EPHA6: variants seen among roughly 807,000 people sequenced by gnomAD.
EPHA6 encodes the protein ephrin type-A receptor 6.
In EPHA6, 50 loss-of-function variants were observed where a neutral mutation model predicts 112.0. That is an observed-to-expected ratio of 0.45 (90% CI 0.36 to 0.56). The LOEUF is 0.56. EPHA6 is among the 20% of genes least tolerant of loss of function. The pLI, the probability that EPHA6 is intolerant of heterozygous loss-of-function variation, is 0.00. For missense variants in EPHA6, 1,280 were observed against 1,417.4 expected, an observed-to-expected ratio of 0.90 and a Z score of 1.56; for synonymous variants, 529 against 490.7, an observed-to-expected ratio of 1.08 and a Z score of -1.03.
At chr3:97,061,136 C>T (rs953019765) in intron 3 of EPHA6, among the ~76,000 whole-genome samples, 1 of 151,842 alleles carries the variant, frequency 6.6e-6, no homozygotes, top group Non-Finnish European at 1.5e-5. Flanking sequence ...TCTTATAGGA[C>T]CCAAACACCA....
At chr3:97,234,599 AC>A (rs2078627647) in intron 4 of EPHA6, among the ~76,000 whole-genome samples, 1 of 152,004 alleles carries the variant, frequency 6.6e-6, no homozygotes, top group African/African-American at 2.4e-5. Context: ...TTTTCTTGCA[AC>A]TTCCTGTTCC....
intron 14 of EPHA6, among the ~76,000 whole-genome samples, chr3:97,689,271 G>C (rs535172112): frequency 6.6e-6 from 1 of 152,290 alleles, no homozygotes; most frequent in African/African-American, 2.4e-5. Context: ...CATCTGTGAT[G>C]TTCAGCTCAT....
At chr3:96,884,971 A>G (rs868439328) in intron 2 of EPHA6, among the ~76,000 whole-genome samples, 2 of 152,314 alleles carry the variant, frequency 1.3e-5, no homozygotes, top group Middle Eastern at 3.4e-3. Flanking sequence ...GTCTGCATCT[A>G]TTGAAATGAT....
At chr3:96,907,650 G>A (rs1412585373) in intron 2 of EPHA6, among the ~76,000 whole-genome samples, 1 of 151,726 alleles carries the variant, frequency 6.6e-6, no homozygotes, top group Non-Finnish European at 1.5e-5. Flanking sequence ...TGTATTTCAT[G>A]TTTTTAAGTC....
intron 5 of EPHA6, among the ~76,000 whole-genome samples, chr3:97,399,543 A>C (rs952828374): frequency 4.6e-5 from 7 of 151,634 alleles, no homozygotes; most frequent in Non-Finnish European, 1.0e-4. Flanking sequence ...ACTAATTTAC[A>C]TTCCCACTGG....
At chr3:97,624,510 TG>T (rs1298064178) in intron 13 of EPHA6, among the ~76,000 whole-genome samples, 2 of 151,540 alleles carry the variant, frequency 1.3e-5, no homozygotes, top group Non-Finnish European at 3.0e-5. Flanking sequence ...TATAGTAATG[TG>T]GGGGTTTTTT....
chr3:97,201,174 G>T (rs1032849247), intron 3 of EPHA6, among the ~76,000 whole-genome samples: 1 of 152,052 alleles, frequency 6.6e-6, no homozygotes, highest in Non-Finnish European at 1.5e-5. Context: ...ATATGTTACA[G>T]AATTCAGTAA....
intron 14 of EPHA6, among the ~76,000 whole-genome samples, chr3:97,641,273 A>G (rs9831952): frequency 0.017 from 2,638 of 152,336 alleles, 56 homozygotes; most frequent in African/African-American, 0.059. Context: ...ATTTTAGAGC[A>G]TTCTATGAAT....
At chr3:97,480,135 C>T (rs958056448) in intron 9 of EPHA6, among the ~76,000 whole-genome samples, 2 of 152,102 alleles carry the variant, frequency 1.3e-5, no homozygotes, top group Non-Finnish European at 2.9e-5. Context: ...TACCACCCTC[C>T]AGGAAAGGGA....
chr3:97,422,021 A>G (rs573381326), intron 6 of EPHA6, among the ~76,000 whole-genome samples: 1 of 152,204 alleles, frequency 6.6e-6, no homozygotes, highest in East Asian at 1.9e-4. Flanking sequence ...TGGAAGGAAA[A>G]TAGAGAACAA....
intron 11 of EPHA6, among the ~76,000 whole-genome samples, chr3:97,591,630 G>A (rs2093545505): frequency 6.6e-6 from 1 of 152,028 alleles, no homozygotes; most frequent in Non-Finnish European, 1.5e-5. Context: ...TACCAGTGAT[G>A]CCCATTCACT....
Position 97,017,483 on chromosome 3 carries a change from G to A in EPHA6, c.1114+29490G>A, listed in dbSNP as rs928943863. On this transcript the variant is annotated intron_variant, in intron 3 of 17. Transcript: ENST00000389672. ...AATTGAGTTCTGGCAAGTCTCACCC[G>A]CACATGCTAAAGTGCTTGGGGGCCC... 1.7e-4 allele frequency among the ~76,000 whole-genome samples: 26 copies of A among 152,262 alleles called. 1 individual carries two copies. Among genetic ancestry groups the A allele is most frequent in the Admixed American group, 1.3e-3 (20 of 15,284 alleles).
intron 3 of EPHA6, among the ~76,000 whole-genome samples, chr3:97,121,208 A>G (rs575354815): frequency 2.6e-4 from 39 of 152,100 alleles, no homozygotes; most frequent in Non-Finnish European, 4.0e-4. Flanking sequence ...TCCTTTAGAG[A>G]ATCTGGTTAC....
intron 2 of EPHA6, among the ~76,000 whole-genome samples, chr3:96,892,736 C>T (rs5015106): frequency 0.25 from 38,444 of 151,926 alleles, 9,108 homozygotes; most frequent in African/African-American, 0.6. Context: ...TCTGCTCATG[C>T]ATTCCATTCT....
At chr3:97,032,634 G>A (rs2044909931) in intron 3 of EPHA6, among the ~76,000 whole-genome samples, 1 of 151,856 alleles carries the variant, frequency 6.6e-6, no homozygotes, top group African/African-American at 2.4e-5. Flanking sequence ...AGTGATAAAA[G>A]TATTTACTTT....
intron 1 of EPHA6, among the ~76,000 whole-genome samples, chr3:96,839,819 T>C (rs2034629454): frequency 6.6e-6 from 1 of 152,090 alleles, no homozygotes; most frequent in South Asian, 2.1e-4. Flanking sequence ...ACTAGGCATT[T>C]GTTAGCACAG....
At chr3:97,731,679 G>A (rs1289082460) in intron 15 of EPHA6, among the ~76,000 whole-genome samples, 1 of 151,990 alleles carries the variant, frequency 6.6e-6, no homozygotes, top group South Asian at 2.1e-4. Flanking sequence ...AAATAATAAA[G>A]TATTTTGAGA....
intron 5 of EPHA6, among the ~76,000 whole-genome samples, chr3:97,295,646 C>T (rs537984944): frequency 3.3e-5 from 5 of 149,868 alleles, no homozygotes; most frequent in African/African-American, 1.2e-4. Flanking sequence ...TATGTTGTAT[C>T]TGTGCATTGG....
At chr3:97,387,767 T>G (rs964370654) in intron 5 of EPHA6, among the ~76,000 whole-genome samples, 4 of 152,188 alleles carry the variant, frequency 2.6e-5, no homozygotes, top group African/African-American at 7.2e-5. Flanking sequence ...ATTACCAATT[T>G]TCTGTATTAA....
Sources: gnomAD v4.1 joint callset for allele counts (sites outside exome capture counted in the v4.1 genomes callset) on GRCh38, gnomAD v4.1.1 for gene constraint, MANE v1.5 for transcripts, NCBI Gene and HGNC (gene_info 2026-07-23, HGNC 2026-07-21) for gene names.